Variants in CMTR1 observed in about 807,000 individuals in gnomAD.
The protein encoded by CMTR1 is cap methyltransferase 1.
Under a neutral mutation model 107.0 loss-of-function variants are expected in CMTR1, and 39 were observed. The ratio of observed to expected loss-of-function variants is 0.36; its 90% CI spans 0.28 to 0.48. The LOEUF is 0.48. CMTR1 is among the 20% of genes least tolerant of loss of function. The pLI is 0.99. For synonymous variants in CMTR1, 366 were observed against 379.5 expected, an observed-to-expected ratio of 0.96 and a Z score of 0.41; for missense variants, 672 against 1,064.9, an observed-to-expected ratio of 0.63 and a Z score of 5.14.
intron 2 of CMTR1, among the ~76,000 whole-genome samples, chr6:37,439,323 C>A (rs1056227210): frequency 8.5e-5 from 13 of 152,156 alleles, no homozygotes; most frequent in African/African-American, 3.1e-4. Context: ...TCATTTTGTT[C>A]TCTTTGGTTG....
the CMTR1 span, among the ~76,000 whole-genome samples, chr6:37,427,626 G>A: frequency 6.6e-6 from 1 of 152,108 alleles, no homozygotes; most frequent in African/African-American, 2.4e-5. This position sits in a 1 kb window ranked among gnomAD's most constrained non-coding sequence, Gnocchi z 4.4. Flanking sequence ...CTTAAAAGGA[G>A]AAAAATAGCC....
chr6:37,473,388 C>T (rs952733329), intron 16 of CMTR1, 82 bp from the exon 17 acceptor site: 16 of 1,494,766 alleles, frequency 1.1e-5, no homozygotes, highest in African/African-American at 4.2e-5. Flanking sequence ...CTTGCCTTGT[C>T]GAGCCTGCCC....
At chr6:37,449,896 C>T (rs545731801) in intron 4 of CMTR1, among the ~76,000 whole-genome samples, 1 of 152,318 alleles carries the variant, frequency 6.6e-6, no homozygotes, top group South Asian at 2.1e-4. Context: ...TTCTGTGTCT[C>T]CACTGCTCTG....
intron 13 of CMTR1, among the ~76,000 whole-genome samples, chr6:37,464,555 T>G (rs1761466536): frequency 6.6e-6 from 1 of 152,168 alleles, no homozygotes; most frequent in Non-Finnish European, 1.5e-5. Flanking sequence ...TAACCCCTCT[T>G]CTGAGTTTTA....
chr6:37,461,438 T>C, intron 10 of CMTR1, 111 bp from the exon 11 acceptor site: 1 of 605,176 alleles, frequency 1.7e-6, no homozygotes, highest in South Asian at 2.2e-5. Flanking sequence ...ATCAATCAGA[T>C]GGTGATCAGT....
chr6:37,471,225 C>T, intron 14 of CMTR1, 148 bp downstream of exon 14: 1 of 672,932 alleles, frequency 1.5e-6, no homozygotes, highest in East Asian at 2.8e-5. Context: ...TGAAGGATGC[C>T]AGAGAAGCAT....
intron 10 of CMTR1, among the ~76,000 whole-genome samples, chr6:37,460,961 A>G (rs1761391619): frequency 6.6e-6 from 1 of 152,134 alleles, no homozygotes; most frequent in Non-Finnish European, 1.5e-5. Context: ...ACATTCTTTC[A>G]GTAAATACCC....
chr6:37,450,372 T>C, intron 5 of CMTR1, 29 bp downstream of exon 5: 4 of 1,534,986 alleles, frequency 2.6e-6, no homozygotes, highest in Non-Finnish European at 3.6e-6. Context: ...GTACCCTGAC[T>C]TCTTGGCATT....
chr6:37,477,738 G>C, intron 21 of CMTR1, 99 bp downstream of exon 21: 1 of 423,844 alleles, frequency 2.4e-6, no homozygotes, highest in Non-Finnish European at 4.7e-6. Context: ...TCGGGGGCGG[G>C]GGGTGGTGAG....
At chr6:37,479,909 A>G in intron 23 of CMTR1, 104 bp from the exon 24 acceptor site, 3 of 1,174,582 alleles carry the variant, frequency 2.6e-6, no homozygotes, top group Non-Finnish European at 3.5e-6. Flanking sequence ...AAGAACCTCA[A>G]CTAAAGTCAT....
Position 37,458,372 on chromosome 6 carries a change from T to G in CMTR1, c.778-240T>G, listed in dbSNP as rs539761352. 6.6e-6 allele frequency among the ~76,000 whole-genome samples: 1 copy of G among 152,256 alleles called. No homozygotes were observed. Among genetic ancestry groups the G allele is most frequent in the Admixed American group, 6.5e-5 (1 of 15,298 alleles). Reference sequence around the variant, plus strand: ...GCCTGGCTCCATGAAGATGTTTTTATGAGGAGTCTGAGCTAGGCCTGGTGA... The same window carrying G: ...GCCTGGCTCCATGAAGATGTTTTTAGGAGGAGTCTGAGCTAGGCCTGGTGA... On this transcript the variant is annotated intron_variant, in intron 8 of 23. Transcript: ENST00000373451. This position sits in a 1 kb window ranked among gnomAD's most constrained non-coding sequence, Gnocchi z 4.7.
the CMTR1 span, among the ~76,000 whole-genome samples, chr6:37,424,165 T>G: frequency 2.6e-5 from 4 of 152,108 alleles, no homozygotes; most frequent in Admixed American, 2.6e-4. Context: ...AAGAAAATGA[T>G]TTGGGGGCTG....
chr6:37,478,552 C>CCTCCCCT (rs752598522), intron 22 of CMTR1, 31 bp downstream of exon 22: 35 of 1,548,378 alleles, frequency 2.3e-5, no homozygotes, highest in Non-Finnish European at 2.8e-5. Context: ...CCCGCCATCC[C>CCTCCCCT]CTCCCCTCTC....
upstream of CMTR1, among the ~76,000 whole-genome samples, chr6:37,428,646 C>T (rs781527447): frequency 8.6e-5 from 13 of 151,962 alleles, no homozygotes; most frequent in Non-Finnish European, 1.6e-4. Flanking sequence ...TTAGTAGAGA[C>T]GGCGTTTCAC....
chr6:37,457,559 T>C (rs1188431527), intron 8 of CMTR1, among the ~76,000 whole-genome samples: 1 of 152,212 alleles, frequency 6.6e-6, no homozygotes, highest in African/African-American at 2.4e-5. Context: ...GTCTAGAGTT[T>C]AGTTAATAGT....
At chr6:37,453,655 T>A (rs528972695) in intron 8 of CMTR1, among the ~76,000 whole-genome samples, 36 of 99,200 alleles carry the variant, frequency 3.6e-4, no homozygotes, top group African/African-American at 1.4e-3. Context: ...GAATATGGTT[T>A]GAGTGTTGGA....
chr6:37,473,436 A>C (rs778134941), intron 16 of CMTR1, 34 bp from the exon 17 acceptor site: 1 of 1,602,238 alleles, frequency 6.2e-7, no homozygotes, highest in African/African-American at 1.3e-5. Context: ...CCTTCCCCCA[A>C]CCCGGCAGTG....
At chr6:37,477,539 A>G (rs1761763074) in intron 20 of CMTR1, 53 bp from the exon 21 acceptor site, 1 of 1,513,420 alleles carries the variant, frequency 6.6e-7, no homozygotes, top group Admixed American at 1.7e-5. Context: ...TGCCTCCTGG[A>G]TGAGAATGTC....
intron 6 of CMTR1, among the ~76,000 whole-genome samples, chr6:37,452,349 C>T (rs1278191446): frequency 6.6e-6 from 1 of 152,072 alleles, no homozygotes; most frequent in African/African-American, 2.4e-5. Flanking sequence ...GTGTGAAGTA[C>T]CTGGGTAAAT....
Sources: gnomAD v4.1 joint callset for allele counts (sites outside exome capture counted in the v4.1 genomes callset) on GRCh38, gnomAD v4.1.1 for gene constraint, Gnocchi (gnomAD v3.1) non-coding constraint, MANE v1.5 for transcripts, NCBI Gene and HGNC (gene_info 2026-07-23, HGNC 2026-07-21) for gene names.